Variants in APAF1 observed in about 807,000 individuals in gnomAD.
APAF1 encodes the protein apoptotic peptidase activating factor 1.
A neutral mutation model predicts 152.4 loss-of-function variants in APAF1; 91 were observed. The ratio of observed to expected loss-of-function variants is 0.60; its 90% CI spans 0.50 to 0.71. APAF1 has a LOEUF of 0.71. Ranked by LOEUF, APAF1 falls within the 30% of genes least tolerant of loss-of-function variation. The pLI, the probability that APAF1 is intolerant of heterozygous loss-of-function variation, is 0.00. For synonymous variants in APAF1, 484 were observed against 494.1 expected, an observed-to-expected ratio of 0.98 and a Z score of 0.27; for missense variants, 1,283 against 1,472.0, an observed-to-expected ratio of 0.87 and a Z score of 2.10.
At chr12:98,709,719 G>T (rs990182899) in intron 20 of APAF1, among the ~76,000 whole-genome samples, 1 of 152,158 alleles carries the variant, frequency 6.6e-6, no homozygotes, top group Non-Finnish European at 1.5e-5. Flanking sequence ...TGTGACTTGT[G>T]GCTGAGAGAG....
chr12:98,698,918 C>A (rs977032420), intron 16 of APAF1, among the ~76,000 whole-genome samples: 1 of 152,214 alleles, frequency 6.6e-6, no homozygotes, highest in Admixed American at 6.5e-5. Context: ...CACAAAGAGT[C>A]TTGCTTGTCC....
intron 16 of APAF1, among the ~76,000 whole-genome samples, chr12:98,688,638 AT>A (rs34602173): frequency 0.48 from 57,399 of 119,188 alleles, 13,708 homozygotes; most frequent in Admixed American, 0.57. Flanking sequence ...ACCTGGCGAA[AT>A]TTTTTTTTTT....
intron 24 of APAF1, among the ~76,000 whole-genome samples, chr12:98,725,027 C>G (rs1378203253): frequency 6.6e-6 from 1 of 152,128 alleles, no homozygotes; most frequent in Non-Finnish European, 1.5e-5. Flanking sequence ...TACAATTGTC[C>G]TCATTTTACA....
intron 22 of APAF1, among the ~76,000 whole-genome samples, chr12:98,716,564 C>G (rs1232159135): frequency 6.6e-6 from 1 of 152,188 alleles, no homozygotes; most frequent in African/African-American, 2.4e-5. Flanking sequence ...CATTTTGCTG[C>G]CTAATCTTTC....
chr12:98,668,355 G>A (rs1350732533), intron 10 of APAF1, among the ~76,000 whole-genome samples: 1 of 152,064 alleles, frequency 6.6e-6, no homozygotes, highest in East Asian at 1.9e-4. Context: ...TGTTTTGTAA[G>A]CTTTGAGAGG....
chr12:98,665,255 C>CATATATATATATATATATATAT (rs35804742), intron 7 of APAF1, among the ~76,000 whole-genome samples: 54 of 97,824 alleles, frequency 5.5e-4, no homozygotes, highest in East Asian at 1.5e-3. Context: ...TAGACTGGCG[C>CATATATATATATATATATATAT]ATATATATAT....
intron 4 of APAF1, among the ~76,000 whole-genome samples, chr12:98,658,033 C>T (rs886254144): frequency 6.6e-6 from 1 of 151,798 alleles, no homozygotes; most frequent in Non-Finnish European, 1.5e-5. Context: ...AAATAAATTG[C>T]CCTTTGGTGT....
In APAF1 at chr12:98,665,554, C is replaced by A; in HGVS notation, c.957C>A (p.Gly319=). The part of the protein sequence containing the change: ...QAHSIIKECK[G]SPLVVSLIGA... ...AGTGACTTCATTTTTTTTTTAAAGGCTCTCCCCTTGTAGTATCTTTAATTG... is the reference window on the plus strand; with the variant it reads ...AGTGACTTCATTTTTTTTTTAAAGGATCTCCCCTTGTAGTATCTTTAATTG... Residue 319 remains glycine (G), a splice_region_variant and synonymous_variant, in exon 8 of 27, where the codon GGC becomes GGA. Coordinates refer to ENST00000551964, the MANE Select transcript of APAF1 (RefSeq NM_181861.2). The A allele has an allele frequency of 1.2e-6, 2 of 1,606,364 alleles. No individual in the cohort carries two copies. The highest frequency in any genetic ancestry group is 1.7e-6 in the Non-Finnish European group (2 of 1,173,842).
chr12:98,666,417 A>G, intron 9 of APAF1, 60 bp downstream of exon 9: 1 of 1,542,402 alleles, frequency 6.5e-7, no homozygotes, highest in Non-Finnish European at 8.8e-7. Context: ...TTTTAGATTT[A>G]TTGAAAATTT....
rs2097713029 is a variant in APAF1 at position 98,699,489 on chromosome 12, G to T, written c.2386G>T (p.Asp796Tyr). 4 of 1,614,170 alleles carry T rather than the reference G, an allele frequency of 2.5e-6. No homozygotes were observed. Among genetic ancestry groups the T allele is most frequent in the Non-Finnish European group, 3.4e-6 (4 of 1,180,012 alleles). ...CCTAAATTTGGAGGACCCTCAAGAG[G>T]ATATGGAAGTGATAGTGAAGTGTTG... ...FFLNLEDPQE[D>Y]MEVIVKCCSW... is the part of the protein sequence containing the mutation. Residue 796 changes from aspartate (D) to tyrosine (Y), a missense_variant, in exon 17 of 27, where the codon GAT (aspartate) becomes TAT (tyrosine). By Grantham distance (160) the Asp-to-Tyr change is radical. Coordinates refer to ENST00000551964, the MANE Select transcript of APAF1 (RefSeq NM_181861.2).
At chr12:98,668,796 A>G (rs1311224450) in intron 10 of APAF1, among the ~76,000 whole-genome samples, 1 of 152,162 alleles carries the variant, frequency 6.6e-6, no homozygotes. Context: ...TGGATATATT[A>G]AGTCTGATAT....
At position 98,732,841 on chromosome 12, in the gene APAF1, T is replaced by A; in HGVS notation, c.*275T>A. On this transcript the variant is annotated 3_prime_UTR_variant, in exon 27 of 27. Transcript: ENST00000551964. ...TACCTTGTTGTACTGTTGGTAAAATTCTGTCTTGATGCATTCAAAATGGTT... is the reference window on the plus strand; with the variant it reads ...TACCTTGTTGTACTGTTGGTAAAATACTGTCTTGATGCATTCAAAATGGTT... 1 of 386,116 alleles carries A rather than the reference T, an allele frequency of 2.6e-6. No homozygotes were observed. Among genetic ancestry groups the A allele is most frequent in the Non-Finnish European group, 4.7e-6 (1 of 210,900 alleles). The allele number at this position is 386,116 out of a possible 1,614,324, so 23.9% of individuals were successfully genotyped here.
At chr12:98,662,927 T>C (rs972152248) in intron 7 of APAF1, 121 bp downstream of exon 7, 5 of 799,122 alleles carry the variant, frequency 6.3e-6, no homozygotes, top group African/African-American at 1.7e-5. Flanking sequence ...TCTGGGAGAT[T>C]TAGTATTTTA....
At chr12:98,653,450 A>C (rs2097651432) in intron 4 of APAF1, among the ~76,000 whole-genome samples, 3 of 150,976 alleles carry the variant, frequency 2.0e-5, no homozygotes, top group Admixed American at 2.0e-4. Flanking sequence ...TGAGGTCAGG[A>C]GTTTGAGACC....
intron 4 of APAF1, 86 bp from the exon 5 acceptor site, chr12:98,659,074 G>T: frequency 7.8e-7 from 1 of 1,290,026 alleles, no homozygotes; most frequent in Non-Finnish European, 1.1e-6. Context: ...TTGTAAATTG[G>T]AGTAAATCTG....
chr12:98,659,188 T>A lies in APAF1; in HGVS notation c.555T>A (p.Val185=). 6.2e-7 allele frequency: 1 copy of A among 1,614,208 alleles called. No homozygotes were observed. The highest frequency in any genetic ancestry group is 1.6e-4 in the Middle Eastern group (1 of 6,062). Residue 185 remains valine, a synonymous_variant, in exon 5 of 27, where the codon GTT becomes GTA. Transcript: ENST00000551964. ...GTTTCCCAGGGGGAGTGCATTGGGT[T>A]TCAGTTGGGAAACAAGACAAATCTG... ...EGCFPGGVHW[V]SVGKQDKSGL...
At chr12:98,653,611 T>A (rs1160086172) in intron 4 of APAF1, among the ~76,000 whole-genome samples, 5 of 127,068 alleles carry the variant, frequency 3.9e-5, no homozygotes, top group African/African-American at 1.6e-4. Flanking sequence ...GAGCCAAGAT[T>A]GCACCACTGC....
chr12:98,680,484 G>C, intron 14 of APAF1, 82 bp downstream of exon 14: 1 of 1,365,364 alleles, frequency 7.3e-7, no homozygotes, highest in South Asian at 1.2e-5. Context: ...AGAGTAAGTA[G>C]AGTTAAAGGA....
Position 98,708,697 on chromosome 12 carries a change from G to A in APAF1, c.2834G>A (p.Arg945His), listed in dbSNP as rs146420669. ...VMVLAVDHIRRLQLINGRTGQ... is the reference protein window; with the variant it reads ...VMVLAVDHIRHLQLINGRTGQ... ...GTCCTTGCAGTTGACCATATAAGAC[G>A]TCTGCAAGTGAGTATTTTTTAGAAA... is the stretch of plus-strand genomic sequence containing the variant. Residue 945 changes from arginine (R) to histidine (H), a missense_variant, in exon 20 of 27, where the codon CGT becomes CAT. Physicochemically the swap from Arg to His is conservative, Grantham distance 29. Coordinates refer to ENST00000551964, the MANE Select transcript of APAF1 (RefSeq NM_181861.2). The A allele has an allele frequency of 5.2e-5, 84 of 1,612,652 alleles. 1 individual carries two copies. The South Asian group carries it at 7.6e-4, about 15-fold the overall frequency.
Sources: allele counts gnomAD v4.1 joint callset (sites outside exome capture counted in the v4.1 genomes callset), GRCh38; gene constraint gnomAD v4.1.1; transcripts MANE v1.5; gene names NCBI Gene and HGNC (gene_info 2026-07-23, HGNC 2026-07-21).